EIF3CL: variants seen among roughly 807,000 people sequenced by gnomAD.
The protein encoded by EIF3CL is eukaryotic translation initiation factor 3 subunit C like, also known as eukaryotic translation initiation factor 3 subunit C-like protein.
For missense variants in EIF3CL, 5 were observed against 56.1 expected (o/e 0.09, Z 2.91); for synonymous variants, 2 against 19.6 (o/e 0.10, Z 2.37).
the EIF3CL span, chr16:28,415,123 G>A: frequency 1.3e-5 from 4 of 319,192 alleles, no homozygotes; most frequent in Admixed American, 4.8e-5. Flanking sequence ...CTCCACTTCC[G>A]CTGCTCCCCC....
chr16:28,422,204 A>T, the EIF3CL span, among the ~76,000 whole-genome samples: 1 of 97,250 alleles, frequency 1.0e-5, no homozygotes, highest in South Asian at 3.1e-4. Context: ...AAAGCCTCTC[A>T]GTGTTTGATA....
At chr16:28,414,348 A>G in the EIF3CL span, 2 of 315,474 alleles carry the variant, frequency 6.3e-6, no homozygotes, top group Non-Finnish European at 1.2e-5. Context: ...GTGAGCCAAG[A>G]TCATGCCATT....
At chr16:28,424,021 T>C in the EIF3CL span, among the ~76,000 whole-genome samples, 1 of 140,304 alleles carries the variant, frequency 7.1e-6, no homozygotes, top group Non-Finnish European at 1.5e-5. Context: ...GGAGTCTCAC[T>C]CTGTTGCCCA....
the EIF3CL span, among the ~76,000 whole-genome samples, chr16:28,416,647 C>T: frequency 1.2e-5 from 1 of 81,510 alleles, no homozygotes; most frequent in Non-Finnish European, 2.6e-5. Context: ...CCCCTCCGCC[C>T]GGCAGCCGCC....
At chr16:28,402,557 G>C (rs1158750004) in intron 2 of EIF3CL, among the ~76,000 whole-genome samples, 1 of 117,130 alleles carries the variant, frequency 8.5e-6, no homozygotes, top group African/African-American at 3.2e-5. Flanking sequence ...TGGGATTACC[G>C]GCTTGAGCCA....
chr16:28,414,837 A>C, the EIF3CL span: 986 of 497,114 alleles, frequency 2.0e-3, 63 homozygotes, highest in Non-Finnish European at 2.8e-3. Context: ...TTCAATGCGA[A>C]GGACGCGCAA....
At chr16:28,417,424 G>A in the EIF3CL span, among the ~76,000 whole-genome samples, 1 of 130,422 alleles carries the variant, frequency 7.7e-6, no homozygotes, top group Non-Finnish European at 1.7e-5. Context: ...TGCCGTGTCT[G>A]TGTAGAAAGA....
the EIF3CL span, among the ~76,000 whole-genome samples, chr16:28,421,847 T>A: frequency 1.4e-5 from 2 of 138,506 alleles, no homozygotes; most frequent in Admixed American, 1.5e-4. Context: ...GGATTGGATT[T>A]TTCTCTTGCT....
At chr16:28,417,313 G>A in the EIF3CL span, among the ~76,000 whole-genome samples, 5 of 147,640 alleles carry the variant, frequency 3.4e-5, no homozygotes, top group Non-Finnish European at 7.5e-5. Context: ...CGTCTGGGAG[G>A]TGTGCCCAAC....
the EIF3CL span, among the ~76,000 whole-genome samples, chr16:28,421,846 T>A: frequency 7.2e-6 from 1 of 138,622 alleles, no homozygotes; most frequent in South Asian, 2.3e-4. Context: ...TGGATTGGAT[T>A]TTTCTCTTGC....
chr16:28,416,684 G>T, the EIF3CL span, among the ~76,000 whole-genome samples: 1 of 113,346 alleles, frequency 8.8e-6, no homozygotes, highest in African/African-American at 3.1e-5. Flanking sequence ...GAGCGTCTCC[G>T]CCCGGCAGCC....
At chr16:28,423,923 G>A in the EIF3CL span, among the ~76,000 whole-genome samples, 4 of 112,744 alleles carry the variant, frequency 3.5e-5, no homozygotes, top group African/African-American at 5.8e-5. Context: ...CTGGGTTCAC[G>A]CCATTCTCCT....
chr16:28,414,949 G>A, the EIF3CL span: 1 of 503,278 alleles, frequency 2.0e-6, no homozygotes, highest in Non-Finnish European at 4.0e-6. Context: ...GCCAAGGAGG[G>A]AGAGGAGGAG....
At chr16:28,422,762 G>C in the EIF3CL span, among the ~76,000 whole-genome samples, 1 of 136,248 alleles carries the variant, frequency 7.3e-6, no homozygotes, top group Non-Finnish European at 1.6e-5. Flanking sequence ...CCTCGAACTC[G>C]GGAGGCAGAG....
At chr16:28,414,939 G>A in the EIF3CL span, 2 of 509,472 alleles carry the variant, frequency 3.9e-6, no homozygotes, top group South Asian at 2.8e-5. Context: ...GGTCAGCGAG[G>A]CCAAGGAGGG....
At chr16:28,422,624 G>A in the EIF3CL span, among the ~76,000 whole-genome samples, 1 of 143,642 alleles carries the variant, frequency 7.0e-6, no homozygotes, top group African/African-American at 2.6e-5. Context: ...CCTGAGGTCA[G>A]GAGTTCGAGA....
chr16:28,414,868 C>T, the EIF3CL span: 2 of 514,756 alleles, frequency 3.9e-6, no homozygotes, highest in South Asian at 1.4e-5. Context: ...ATGGACCCCA[C>T]CAAGGCCAAG....
At chr16:28,419,244 G>C in the EIF3CL span, among the ~76,000 whole-genome samples, 1 of 151,012 alleles carries the variant, frequency 6.6e-6, no homozygotes, top group Admixed American at 6.6e-5. Context: ...CTGACCTCGT[G>C]ATCCGCCTGC....
chr16:28,418,579 C>T, the EIF3CL span, among the ~76,000 whole-genome samples: 1 of 140,494 alleles, frequency 7.1e-6, no homozygotes, highest in Admixed American at 7.6e-5. Context: ...TCCCATAGTC[C>T]ACAGTCATTC....
Sources: gnomAD v4.1 joint callset for allele counts (sites outside exome capture counted in the v4.1 genomes callset) on GRCh38, gnomAD v4.1.1 for gene constraint, MANE v1.5 for transcripts, NCBI Gene and HGNC (gene_info 2026-07-23, HGNC 2026-07-21) for gene names.